The following GRM5 variants were observed in gnomAD, a reference collection of about 807,000 sequenced individuals.
The protein encoded by GRM5 is metabotropic glutamate receptor 5.
In GRM5, 19 loss-of-function variants were observed where a neutral mutation model predicts 83.1. The ratio of observed to expected loss-of-function variants is 0.23; its 90% CI spans 0.16 to 0.34. The LOEUF is 0.34. GRM5 is among the 10% of genes least tolerant of loss of function. GRM5 has a pLI of 1.00. For synonymous variants in GRM5, 675 were observed against 633.6 expected (o/e 1.07, Z -0.98); for missense variants, 1,160 against 1,588.3 (o/e 0.73, Z 4.58).
At chr11:88,707,820 C>T (rs185496859) in intron 3 of GRM5, among the ~76,000 whole-genome samples, 22 of 152,196 alleles carry the variant, frequency 1.4e-4, no homozygotes, top group African/African-American at 5.1e-4. Context: ...TAACTAATCT[C>T]ATATTATATC....
chr11:88,711,819 A>G (rs947309870), intron 3 of GRM5, among the ~76,000 whole-genome samples: 1 of 152,040 alleles, frequency 6.6e-6, no homozygotes, highest in African/African-American at 2.4e-5. Flanking sequence ...TTCCAAAAAC[A>G]TCATATAACT....
chr11:89,020,756 A>C (rs564817399), intron 2 of GRM5, among the ~76,000 whole-genome samples: 12 of 152,350 alleles, frequency 7.9e-5, no homozygotes, highest in African/African-American at 2.9e-4. Flanking sequence ...ATAATGTGTG[A>C]CATACATTTA....
At chr11:88,565,831 A>G (rs1256110194) in intron 8 of GRM5, among the ~76,000 whole-genome samples, 1 of 152,232 alleles carries the variant, frequency 6.6e-6, no homozygotes, top group Non-Finnish European at 1.5e-5. Context: ...AAAAGAGTTG[A>G]AAGAGGTAAG....
chr11:88,948,657 C>A (rs1010818132), intron 2 of GRM5, among the ~76,000 whole-genome samples: 3 of 152,126 alleles, frequency 2.0e-5, no homozygotes, highest in African/African-American at 7.2e-5. Flanking sequence ...TTCTGTCCAG[C>A]TAACATGCAC....
At chr11:88,934,138 G>A (rs1023988211) in intron 2 of GRM5, among the ~76,000 whole-genome samples, 2 of 151,514 alleles carry the variant, frequency 1.3e-5, no homozygotes, top group African/African-American at 2.4e-5. Flanking sequence ...TTACTATTTT[G>A]ATAAGTCACA....
chr11:88,825,528 A>T (rs966045021), intron 3 of GRM5, among the ~76,000 whole-genome samples: 1 of 152,200 alleles, frequency 6.6e-6, no homozygotes, highest in African/African-American at 2.4e-5. Flanking sequence ...TATGACTTTT[A>T]TCAAGATGAG....
At chr11:88,623,793 G>T (rs1170146723) in intron 4 of GRM5, among the ~76,000 whole-genome samples, 1 of 152,198 alleles carries the variant, frequency 6.6e-6, no homozygotes, top group Non-Finnish European at 1.5e-5. Context: ...GTTTCCTGCT[G>T]CCTGGAATCC....
At chr11:88,548,857 CT>C (rs1942441190) in intron 8 of GRM5, among the ~76,000 whole-genome samples, 7 of 152,190 alleles carry the variant, frequency 4.6e-5, no homozygotes, top group Admixed American at 3.9e-4. Flanking sequence ...AGAAGTGAAT[CT>C]TTGCTGGTCA....
At chr11:88,924,956 T>TA (rs1565294672) in intron 2 of GRM5, among the ~76,000 whole-genome samples, 1 of 152,070 alleles carries the variant, frequency 6.6e-6, no homozygotes, top group South Asian at 2.1e-4. Context: ...AAAATAAATT[T>TA]AAAAAAATCA....
intron 2 of GRM5, among the ~76,000 whole-genome samples, chr11:88,878,635 A>G (rs1291955659): frequency 6.6e-6 from 1 of 152,210 alleles, no homozygotes; most frequent in African/African-American, 2.4e-5. Context: ...AAAGTATTCC[A>G]GGCCCAAAAT....
chr11:88,802,892 C>T (rs1254680097), intron 3 of GRM5, among the ~76,000 whole-genome samples: 1 of 151,486 alleles, frequency 6.6e-6, no homozygotes, highest in African/African-American at 2.4e-5. Flanking sequence ...ACACCAATAA[C>T]AGACAAACAG....
In GRM5 at chr11:88,669,093, G is replaced by C. The variant is rs144050341; in HGVS notation, c.912-15690C>G. Among the ~76,000 whole-genome samples the C allele has an allele frequency of 3.7e-3, 567 of 152,164 alleles. 3 individuals carry two copies. Among genetic ancestry groups the C allele is most frequent in the African/African-American group, 0.013 (540 of 41,510 alleles). On this transcript the variant is annotated intron_variant, in intron 3 of 9. Coordinates refer to ENST00000305447, the MANE Select transcript of GRM5 (RefSeq NM_001143831.3). ...TTTGAAGAGATATATACACCCTCAT[G>C]TTCATTGCAGCATTGTTCACAACAA...
chr11:88,875,957 T>A (rs1479555190), intron 2 of GRM5, among the ~76,000 whole-genome samples: 1 of 151,998 alleles, frequency 6.6e-6, no homozygotes, highest in Non-Finnish European at 1.5e-5. Context: ...GCCTTGGGGT[T>A]TTTGGAACAA....
intron 3 of GRM5, among the ~76,000 whole-genome samples, chr11:88,717,068 T>C (rs1414370335): frequency 6.6e-6 from 1 of 151,966 alleles, no homozygotes; most frequent in Non-Finnish European, 1.5e-5. Flanking sequence ...TGTATGTCTA[T>C]ACCTTATTAG....
At chr11:88,836,941 C>T (rs1233418295) in intron 3 of GRM5, among the ~76,000 whole-genome samples, 1 of 152,184 alleles carries the variant, frequency 6.6e-6, no homozygotes. Context: ...TAGATGTTTA[C>T]ACACATTTAT....
chr11:88,989,949 G>C (rs1939901897), intron 2 of GRM5, among the ~76,000 whole-genome samples: 1 of 151,644 alleles, frequency 6.6e-6, no homozygotes, highest in Non-Finnish European at 1.5e-5. Context: ...ACAATTAAAA[G>C]AACTAGAAAA....
chr11:89,041,619 C>T (rs2135142024), intron 2 of GRM5, among the ~76,000 whole-genome samples: 1 of 152,316 alleles, frequency 6.6e-6, no homozygotes, highest in Non-Finnish European at 1.5e-5. Context: ...TAGACTGTTC[C>T]TTCTGGAAGG....
At chr11:88,666,055 A>G (rs961303000) in intron 3 of GRM5, among the ~76,000 whole-genome samples, 1 of 152,178 alleles carries the variant, frequency 6.6e-6, no homozygotes, top group Non-Finnish European at 1.5e-5. Flanking sequence ...CAGATATCTG[A>G]AGCAGATATT....
chr11:88,934,341 C>G (rs1160987958), intron 2 of GRM5, among the ~76,000 whole-genome samples: 1 of 151,834 alleles, frequency 6.6e-6, no homozygotes, highest in East Asian at 1.9e-4. Context: ...GGATGATAAC[C>G]TAATAACTAA....
Sources: gnomAD v4.1 joint callset for allele counts (sites outside exome capture counted in the v4.1 genomes callset) on GRCh38, gnomAD v4.1.1 for gene constraint, MANE v1.5 for transcripts, NCBI Gene and HGNC (gene_info 2026-07-23, HGNC 2026-07-21) for gene names.